Variants in SGCG observed in about 807,000 individuals in gnomAD.
SGCG encodes sarcoglycan gamma, also known as gamma-sarcoglycan.
SGCG carries 26 observed loss-of-function variants against 29.3 expected under a neutral mutation model. That is an observed-to-expected ratio of 0.89 (90% CI 0.65 to 1.23). The LOEUF (loss-of-function observed/expected upper bound fraction) is 1.23, where lower values mean the gene tolerates loss of function less well. SGCG is among the 50% of genes most tolerant of loss of function. The pLI is 0.00. For synonymous variants in SGCG, 145 were observed against 129.7 expected (o/e 1.12, Z -0.80); for missense variants, 353 against 356.0 (o/e 0.99, Z 0.07).
chr13:23,197,766 G>A (rs547531373), intron 1 of SGCG, among the ~76,000 whole-genome samples: 31 of 152,234 alleles, frequency 2.0e-4, no homozygotes, highest in African/African-American at 6.7e-4. Context: ...GGAAGTAACC[G>A]GAGAAAATAT....
At chr13:23,235,386 AAAAG>A (rs1879270651) in intron 3 of SGCG, among the ~76,000 whole-genome samples, 3 of 152,112 alleles carry the variant, frequency 2.0e-5, no homozygotes, top group Admixed American at 1.3e-4. Context: ...ACAAAAAAAA[AAAAG>A]AAAGAAATTT....
chr13:23,269,897 CGG>C (rs1386973656), intron 4 of SGCG, among the ~76,000 whole-genome samples: 2 of 114,774 alleles, frequency 1.7e-5, no homozygotes, highest in East Asian at 2.4e-4. Context: ...TTTTTTGAGG[CGG>C]AGTCTCCCTC....
chr13:23,276,849 C>T (rs79169838), intron 4 of SGCG, among the ~76,000 whole-genome samples: 1,816 of 152,350 alleles, frequency 0.012, 75 homozygotes, highest in East Asian at 0.075. Context: ...ATGCTTGCAT[C>T]CCAATGCTTA....
intron 4 of SGCG, among the ~76,000 whole-genome samples, chr13:23,262,551 A>T (rs1031368500): frequency 3.9e-5 from 6 of 152,118 alleles, no homozygotes; most frequent in Admixed American, 6.5e-5. Flanking sequence ...ACAGCAAAAC[A>T]ATAACAGTGG....
chr13:23,239,890 G>T lies in SGCG; in HGVS notation c.297+5178G>T, dbSNP rs552164997. Among the ~76,000 whole-genome samples, 3 of 152,124 alleles carry T rather than the reference G, an allele frequency of 2.0e-5. No homozygotes were observed. In the South Asian group the frequency reaches 6.2e-4, roughly 32 times the overall value. ...AATAATTAATCCAAAAGGAGGCAAA[G>T]GAAACAAAGAGAAAATTAGTTGAAT... On this transcript the variant is annotated intron_variant, in intron 3 of 7. Transcript: ENST00000218867.
intron 4 of SGCG, among the ~76,000 whole-genome samples, chr13:23,275,704 G>A (rs1418160240): frequency 6.6e-6 from 1 of 152,144 alleles, no homozygotes; most frequent in Non-Finnish European, 1.5e-5. Context: ...AAGGTCATTA[G>A]TGCCAGGCTT....
chr13:23,232,042 C>A (rs1170916263), intron 2 of SGCG, among the ~76,000 whole-genome samples: 3 of 151,882 alleles, frequency 2.0e-5, no homozygotes, highest in Non-Finnish European at 4.4e-5. Context: ...ACACTTGAGC[C>A]CAGGAGGTGG....
the SGCG span, among the ~76,000 whole-genome samples, chr13:23,170,208 T>TCAGATC: frequency 6.6e-6 from 1 of 152,240 alleles, no homozygotes; most frequent in African/African-American, 2.4e-5. Context: ...ATTCTTGGTA[T>TCAGATC]CAAACAGCTT....
At chr13:23,305,469 A>G (rs1882326245) in intron 6 of SGCG, among the ~76,000 whole-genome samples, 1 of 152,228 alleles carries the variant, frequency 6.6e-6, no homozygotes, top group Non-Finnish European at 1.5e-5. Context: ...TCATTTGCAA[A>G]TAGGTATAGT....
chr13:23,272,696 C>G (rs1009899453), intron 4 of SGCG, among the ~76,000 whole-genome samples: 2 of 152,120 alleles, frequency 1.3e-5, no homozygotes, highest in African/African-American at 4.8e-5. Context: ...TTGTGACTAT[C>G]CAGCTTTTGA....
intron 6 of SGCG, among the ~76,000 whole-genome samples, chr13:23,299,456 A>ATATATATTTTTTTT (rs1882059808): frequency 2.4e-5 from 1 of 41,544 alleles, no homozygotes. Context: ...ATATATATAT[A>ATATATATTTTTTTT]TTTTTTTTTT....
At chr13:23,221,313 G>T (rs1878646577) in intron 2 of SGCG, among the ~76,000 whole-genome samples, 1 of 151,896 alleles carries the variant, frequency 6.6e-6, no homozygotes, top group African/African-American at 2.4e-5. Context: ...AGTTATGAAA[G>T]CACAAGTTAA....
At chr13:23,202,950 G>A (rs532155137) in intron 1 of SGCG, among the ~76,000 whole-genome samples, 3 of 152,132 alleles carry the variant, frequency 2.0e-5, no homozygotes, top group African/African-American at 7.2e-5. Context: ...AATTTTTTAA[G>A]TTTTCTTTTT....
At chr13:23,266,640 A>G (rs1880651994) in intron 4 of SGCG, among the ~76,000 whole-genome samples, 1 of 152,194 alleles carries the variant, frequency 6.6e-6, no homozygotes, top group East Asian at 1.9e-4. Flanking sequence ...CTAAAATCCT[A>G]GACATCACAA....
chr13:23,222,487 G>A (rs1415286176), intron 2 of SGCG, among the ~76,000 whole-genome samples: 1 of 139,684 alleles, frequency 7.2e-6, no homozygotes, highest in African/African-American at 2.7e-5. Context: ...AATTCAATCA[G>A]CACTTTTTTT....
intron 3 of SGCG, among the ~76,000 whole-genome samples, chr13:23,248,294 C>T (rs562407625): frequency 3.9e-5 from 6 of 152,264 alleles, no homozygotes; most frequent in East Asian, 3.9e-4. Flanking sequence ...TTACACTCTG[C>T]GGTGTTTATA....
Position 23,295,429 on chromosome 13 carries a change from CT to C in SGCG, c.525del (p.Phe175LeufsTer20), listed in dbSNP as rs786204786. 5.5e-5 allele frequency: 88 copies of C among 1,613,914 alleles called. No individual in the cohort carries two copies. The highest frequency in any genetic ancestry group is 5.0e-4 in the Middle Eastern group (3 of 6,060). The part of the protein sequence containing the change: ...KLRVTGPEGA[L>X]FEHSVETPLV... ...TTTTTGTTTAGGGCCTGAAGGGGCT[CT>C]TTTTGAACATTCAGTGGAGACACCC... On this transcript the variant is annotated frameshift_variant, in exon 6 of 8. Transcript: ENST00000218867. LOFTEE classifies it high-confidence loss of function.
In SGCG at chr13:23,203,899, A is replaced by G; in HGVS notation, c.195+10A>G. The G allele has an allele frequency of 6.4e-7, 1 of 1,567,268 alleles. No individual in the cohort carries two copies. Among genetic ancestry groups the G allele is most frequent in the Admixed American group, 1.7e-5 (1 of 59,950 alleles). On this transcript the variant is annotated intron_variant, in intron 2 of 7. Transcript: ENST00000218867. ...GATGTGGTTTTCTCCAGTAAGTATC[A>G]TTATTTTCTGGTAAGCATGTTCTTG...
intron 4 of SGCG, among the ~76,000 whole-genome samples, chr13:23,253,956 A>T (rs1182683740): frequency 6.6e-6 from 1 of 152,346 alleles, no homozygotes; most frequent in East Asian, 1.9e-4. Flanking sequence ...CTAGAAGCAT[A>T]CGCTGAAGCC....
Sources: gnomAD v4.1 joint callset for allele counts (sites outside exome capture counted in the v4.1 genomes callset) on GRCh38, gnomAD v4.1.1 for gene constraint, MANE v1.5 for transcripts, NCBI Gene and HGNC (gene_info 2026-07-23, HGNC 2026-07-21) for gene names.